FAT3: variants seen among roughly 807,000 people sequenced by gnomAD.
FAT3 encodes protocadherin Fat 3.
Under a neutral mutation model 310.2 loss-of-function variants are expected in FAT3, and 95 were observed. That is an observed-to-expected ratio of 0.31 (90% CI 0.26 to 0.36). FAT3 has a LOEUF of 0.36. Ranked by LOEUF, FAT3 falls within the 10% of genes least tolerant of loss-of-function variation. FAT3 has a pLI of 1.00. For synonymous variants in FAT3, 2,314 were observed against 2,192.9 expected (o/e 1.06, Z -1.54); for missense variants, 5,408 against 5,715.6 (o/e 0.95, Z 1.74).
chr11:92,554,972 G>A (rs925193058), intron 3 of FAT3, among the ~76,000 whole-genome samples: 4 of 152,174 alleles, frequency 2.6e-5, no homozygotes, highest in Non-Finnish European at 1.5e-5. Context: ...TCATTTGTCT[G>A]ACTGTGCTAA....
At chr11:92,428,994 T>G (rs1202128850) in intron 2 of FAT3, among the ~76,000 whole-genome samples, 1 of 152,204 alleles carries the variant, frequency 6.6e-6, no homozygotes, top group Non-Finnish European at 1.5e-5. Flanking sequence ...AAGTCCCCAC[T>G]ATTATTGTGT....
intron 2 of FAT3, among the ~76,000 whole-genome samples, chr11:92,447,222 CGT>C (rs34833885): frequency 0.68 from 98,761 of 146,064 alleles, 34,911 homozygotes; most frequent in East Asian, 0.8. Context: ...TATATGTGTG[CGT>C]GTGTGTGTGT....
chr11:92,659,739 G>A (rs542805125), intron 3 of FAT3, among the ~76,000 whole-genome samples: 16 of 152,262 alleles, frequency 1.1e-4, no homozygotes, highest in African/African-American at 3.1e-4. Flanking sequence ...TTTCTGTATC[G>A]TGAGTTATGA....
At chr11:92,549,807 C>G (rs566194637) in intron 3 of FAT3, among the ~76,000 whole-genome samples, 1 of 152,108 alleles carries the variant, frequency 6.6e-6, no homozygotes, top group Non-Finnish European at 1.5e-5. Context: ...GACTCAAGAT[C>G]CTGTTTTTTT....
At chr11:92,432,665 G>A (rs1418369796) in intron 2 of FAT3, among the ~76,000 whole-genome samples, 1 of 152,146 alleles carries the variant, frequency 6.6e-6, no homozygotes, top group Non-Finnish European at 1.5e-5. Context: ...CCTACCAGAT[G>A]CCAGCCAGAG....
At chr11:92,228,810 G>A (rs1864028926) in intron 1 of FAT3, among the ~76,000 whole-genome samples, 1 of 152,158 alleles carries the variant, frequency 6.6e-6, no homozygotes, top group Non-Finnish European at 1.5e-5. Flanking sequence ...TTTTCCTCTA[G>A]GGCAAGAAGG....
intron 1 of FAT3, among the ~76,000 whole-genome samples, chr11:92,263,227 A>AT (rs911411658): frequency 1.7e-4 from 25 of 142,960 alleles, no homozygotes; most frequent in East Asian, 2.1e-4. Context: ...TCTGTCCATC[A>AT]TTTTTTTTTT....
intron 4 of FAT3, among the ~76,000 whole-genome samples, chr11:92,738,391 A>G (rs1043198977): frequency 1.3e-5 from 2 of 152,208 alleles, no homozygotes; most frequent in Non-Finnish European, 2.9e-5. Context: ...TAGCCTGACT[A>G]CTTTTGCACA....
chr11:92,838,466 G>A (rs981248501), intron 17 of FAT3, among the ~76,000 whole-genome samples: 5 of 151,824 alleles, frequency 3.3e-5, no homozygotes, highest in African/African-American at 9.7e-5. Flanking sequence ...TTTATTCCAC[G>A]GGCACAGTGC....
intron 2 of FAT3, among the ~76,000 whole-genome samples, chr11:92,457,581 T>C (rs1591315369): frequency 6.6e-6 from 1 of 152,290 alleles, no homozygotes; most frequent in East Asian, 1.9e-4. Context: ...CCAAATTAGC[T>C]TAATCTCCCA....
rs1202196539 is a variant in FAT3 at position 92,834,956 on chromosome 11, G to C, written c.9958G>C (p.Ala3320Pro). 1.9e-6 allele frequency: 3 copies of C among 1,613,126 alleles called. No homozygotes were observed. Among genetic ancestry groups the C allele is most frequent in the Non-Finnish European group, 2.5e-6 (3 of 1,179,620 alleles). Residue 3320 changes from alanine to proline, a missense_variant, in exon 15 of 28, where the codon GCT becomes CCT. Coordinates refer to ENST00000525166, the MANE Select transcript of FAT3 (RefSeq NM_001367949.2). Reference sequence around the variant, plus strand: ...GGAAGCCAAAGATGGGGGCACCCCAGCTCTCAGCGCTGTGGCCACTGTCAA... The same window carrying C: ...GGAAGCCAAAGATGGGGGCACCCCACCTCTCAGCGCTGTGGCCACTGTCAA... ...VVEAKDGGTPALSAVATVNIN... is the reference protein window; with the variant it reads ...VVEAKDGGTPPLSAVATVNIN...
chr11:92,400,540 A>G (rs1462491654), intron 2 of FAT3: 1 of 152,160 alleles, frequency 6.6e-6, no homozygotes, highest in East Asian at 1.9e-4. Flanking sequence ...TAGTTTGGCA[A>G]TAAAAGGTCA....
At chr11:92,500,571 A>G (rs1331716782) in intron 2 of FAT3, among the ~76,000 whole-genome samples, 1 of 152,052 alleles carries the variant, frequency 6.6e-6, no homozygotes, top group East Asian at 1.9e-4. Context: ...CTCCCTGGAA[A>G]CATCCTTCTT....
intron 5 of FAT3, among the ~76,000 whole-genome samples, chr11:92,764,497 C>T (rs1946252699): frequency 1.3e-5 from 2 of 152,196 alleles, no homozygotes; most frequent in South Asian, 4.1e-4. Context: ...GCACTTTCTT[C>T]CCTTTCACAT....
At chr11:92,509,278 A>G (rs182588144) in intron 2 of FAT3, among the ~76,000 whole-genome samples, 6 of 152,304 alleles carry the variant, frequency 3.9e-5, no homozygotes, top group Non-Finnish European at 5.9e-5. Context: ...AATTGACACA[A>G]TCTTTCTGGA....
At chr11:92,780,163 CTTTTTT>C (rs34340740) in intron 7 of FAT3, among the ~76,000 whole-genome samples, 2 of 134,720 alleles carry the variant, frequency 1.5e-5, no homozygotes, top group African/African-American at 2.8e-5. Flanking sequence ...TTTTTTTTTT[CTTTTTT>C]TTTTTTTTCC....
chr11:92,560,563 A>G (rs554680051), intron 3 of FAT3, among the ~76,000 whole-genome samples: 2 of 152,202 alleles, frequency 1.3e-5, no homozygotes, highest in African/African-American at 4.8e-5. Flanking sequence ...TTGTTGTTCT[A>G]AGATATATTT....
At chr11:92,448,171 A>G (rs1331663651) in intron 2 of FAT3, among the ~76,000 whole-genome samples, 1 of 152,152 alleles carries the variant, frequency 6.6e-6, no homozygotes, top group Non-Finnish European at 1.5e-5. Flanking sequence ...GATTGAGTAA[A>G]TTAATTTATG....
intron 5 of FAT3, among the ~76,000 whole-genome samples, chr11:92,764,568 T>G (rs2136093816): frequency 6.6e-6 from 1 of 152,294 alleles, no homozygotes; most frequent in South Asian, 2.1e-4. Flanking sequence ...CTATTTCTAT[T>G]CATATAACTA....
Sources: gnomAD v4.1 joint callset for allele counts (sites outside exome capture counted in the v4.1 genomes callset) on GRCh38, gnomAD v4.1.1 for gene constraint, MANE v1.5 for transcripts, NCBI Gene and HGNC (gene_info 2026-07-23, HGNC 2026-07-21) for gene names.